The following LRRC4C variants were observed in gnomAD, a reference collection of about 807,000 sequenced individuals.
LRRC4C encodes the protein leucine-rich repeat-containing protein 4C.
LRRC4C carries 5 observed loss-of-function variants against 33.6 expected under a neutral mutation model. The ratio of observed to expected loss-of-function variants is 0.15; its 90% confidence interval spans 0.08 to 0.31. LRRC4C has a LOEUF of 0.31. Among genes scored for constraint, LRRC4C ranks in the 10% least tolerant of loss-of-function variants. The pLI is 1.00. For synonymous variants in LRRC4C, 329 were observed against 302.0 expected, an observed-to-expected ratio of 1.09 and a Z score of -0.93; for missense variants, 560 against 796.7, an observed-to-expected ratio of 0.70 and a Z score of 3.58.
In LRRC4C at chr11:40,452,735, T is replaced by A. The variant is rs537223963; in HGVS notation, c.-269-133014A>T. Reference sequence around the variant, plus strand: ...TGCTATAAAGACATATGCACATGTATGTTTACTGCAGCACTATTCACAATA... The same window carrying A: ...TGCTATAAAGACATATGCACATGTAAGTTTACTGCAGCACTATTCACAATA... On this transcript the variant is annotated intron_variant, in intron 3 of 6. Coordinates refer to ENST00000528697, the MANE Select transcript of LRRC4C (RefSeq NM_001258419.2). 7.2e-5 allele frequency among the ~76,000 whole-genome samples: 11 copies of A among 152,302 alleles called. No homozygotes were observed. The South Asian group carries it at 2.1e-3, about 29-fold the overall frequency.
chr11:40,808,473 G>A (rs191408794), intron 2 of LRRC4C, among the ~76,000 whole-genome samples: 1 of 152,054 alleles, frequency 6.6e-6, no homozygotes, highest in Admixed American at 6.6e-5. Context: ...TTCAATTGTA[G>A]CACTTACACA....
At chr11:40,847,946 G>A (rs771355655) in intron 2 of LRRC4C, among the ~76,000 whole-genome samples, 5 of 151,996 alleles carry the variant, frequency 3.3e-5, no homozygotes, top group Non-Finnish European at 5.9e-5. Flanking sequence ...TTGTGTAGAG[G>A]TGTTTATAGT....
At chr11:40,567,265 T>TTCA (rs1286437232) in intron 3 of LRRC4C, among the ~76,000 whole-genome samples, 7 of 152,118 alleles carry the variant, frequency 4.6e-5, no homozygotes, top group Admixed American at 2.6e-4. Context: ...AAACACTTGG[T>TTCA]AATCACATTT....
intron 1 of LRRC4C, among the ~76,000 whole-genome samples, chr11:41,384,106 T>C (rs1188577509): frequency 6.6e-6 from 1 of 151,942 alleles, no homozygotes; most frequent in Non-Finnish European, 1.5e-5. Flanking sequence ...AATGTAAAGC[T>C]GTAATATGGA....
chr11:40,482,473 T>G (rs1219108575), intron 3 of LRRC4C, among the ~76,000 whole-genome samples: 1 of 151,924 alleles, frequency 6.6e-6, no homozygotes, highest in Non-Finnish European at 1.5e-5. Flanking sequence ...TTTTTTTGGT[T>G]TTGTATTGTT....
At chr11:40,233,702 C>T (rs1865361775) in intron 5 of LRRC4C, among the ~76,000 whole-genome samples, 1 of 152,082 alleles carries the variant, frequency 6.6e-6, no homozygotes, top group South Asian at 2.1e-4. Flanking sequence ...TGAACAATGA[C>T]ATGTTTAAAA....
chr11:41,235,175 A>G (rs1043146145), intron 1 of LRRC4C, among the ~76,000 whole-genome samples: 2 of 152,058 alleles, frequency 1.3e-5, no homozygotes, highest in Non-Finnish European at 2.9e-5. Flanking sequence ...AATTTCATTT[A>G]AACACTCATA....
At chr11:40,596,225 C>T (rs2135772225) in intron 3 of LRRC4C, among the ~76,000 whole-genome samples, 1 of 152,268 alleles carries the variant, frequency 6.6e-6, no homozygotes, top group East Asian at 1.9e-4. Flanking sequence ...GCAAATTCAG[C>T]TTACCTACTA....
At chr11:40,545,815 G>T (rs1049394099) in intron 3 of LRRC4C, among the ~76,000 whole-genome samples, 26 of 151,832 alleles carry the variant, frequency 1.7e-4, no homozygotes, top group Non-Finnish European at 1.5e-5. Flanking sequence ...ATAATTCAGG[G>T]TTCACCTAGA....
intron 1 of LRRC4C, among the ~76,000 whole-genome samples, chr11:40,939,694 G>A (rs572013554): frequency 6.6e-6 from 1 of 152,230 alleles, no homozygotes; most frequent in South Asian, 2.1e-4. Flanking sequence ...TGTTTCCTTT[G>A]TCCTCACTGA....
chr11:41,275,380 A>G lies in LRRC4C; in HGVS notation c.-496+184051T>C, dbSNP rs546670029. On this transcript the variant is annotated intron_variant, in intron 1 of 6. Coordinates refer to ENST00000528697, the MANE Select transcript of LRRC4C (RefSeq NM_001258419.2). ...AATATAGTACCATTTACCTAAATGG[A>G]ACTTTTTGCAACTCTATTCAAACAA... 5.3e-5 allele frequency among the ~76,000 whole-genome samples: 8 copies of G among 152,292 alleles called. No individual in the cohort carries two copies. In the East Asian group the frequency reaches 1.5e-3, roughly 29 times the overall value.
At chr11:41,253,404 T>G (rs916866973) in intron 1 of LRRC4C, among the ~76,000 whole-genome samples, 1 of 152,160 alleles carries the variant, frequency 6.6e-6, no homozygotes, top group African/African-American at 2.4e-5. Flanking sequence ...AAACCTGTAC[T>G]TCTGAAGACC....
rs542908996 is a variant in LRRC4C, at chr11:40,180,230, T to A, written c.-95-39377A>T. Reference sequence around the variant, plus strand: ...CTAAGAAATCATTTCTTAAAGAATGTTTTTACAACTAGAACTCATGTATCG... The same window carrying A: ...CTAAGAAATCATTTCTTAAAGAATGATTTTACAACTAGAACTCATGTATCG... On this transcript the variant is annotated intron_variant, in intron 5 of 6. Coordinates refer to ENST00000528697, the MANE Select transcript of LRRC4C (RefSeq NM_001258419.2). 3.9e-5 allele frequency among the ~76,000 whole-genome samples: 6 copies of A among 152,330 alleles called. No individual in the cohort carries two copies. The South Asian group carries it at 1.2e-3, about 32-fold the overall frequency.
intron 3 of LRRC4C, among the ~76,000 whole-genome samples, chr11:40,416,232 C>T (rs1950319556): frequency 6.6e-6 from 1 of 152,134 alleles, no homozygotes; most frequent in Admixed American, 6.5e-5. Flanking sequence ...AATTATGTAT[C>T]TGGCCCTAGC....
intron 1 of LRRC4C, among the ~76,000 whole-genome samples, chr11:41,160,967 T>C (rs1194110468): frequency 6.6e-6 from 1 of 152,160 alleles, no homozygotes; most frequent in African/African-American, 2.4e-5. Flanking sequence ...TATTTTGGCT[T>C]TTGAGGAATG....
intron 3 of LRRC4C, among the ~76,000 whole-genome samples, chr11:40,572,208 T>C (rs1047215759): frequency 2.6e-5 from 4 of 152,196 alleles, no homozygotes; most frequent in Non-Finnish European, 4.4e-5. Context: ...CTATTGCTAA[T>C]TGAAGTTAGA....
chr11:40,437,397 C>CTT (rs755579650), intron 3 of LRRC4C, among the ~76,000 whole-genome samples: 1 of 144,126 alleles, frequency 6.9e-6, no homozygotes. Flanking sequence ...TTCTTTTTTT[C>CTT]TTTTTTTTTT....
intron 1 of LRRC4C, among the ~76,000 whole-genome samples, chr11:41,124,964 T>C (rs1046666589): frequency 6.6e-6 from 1 of 152,160 alleles, no homozygotes; most frequent in Non-Finnish European, 1.5e-5. Flanking sequence ...GAGAAGATAA[T>C]ATTTCTGTGG....
chr11:40,662,535 C>T lies in LRRC4C; in HGVS notation c.-406-14257G>A, dbSNP rs145580002. On this transcript the variant is annotated intron_variant, in intron 2 of 6. Coordinates refer to ENST00000528697, the MANE Select transcript of LRRC4C (RefSeq NM_001258419.2). ...GGTCTAGAATACAGTAGGGGACTAT[C>T]GGGAGGAACATAGCTTTAGCTCCAT... 9.2e-5 allele frequency among the ~76,000 whole-genome samples: 14 copies of T among 152,222 alleles called. No individual in the cohort carries two copies. The East Asian group carries it at 1.7e-3, about 19-fold the overall frequency.
Sources: allele counts gnomAD v4.1 joint callset (sites outside exome capture counted in the v4.1 genomes callset), GRCh38; gene constraint gnomAD v4.1.1; transcripts MANE v1.5; gene names NCBI Gene and HGNC (gene_info 2026-07-23, HGNC 2026-07-21).